The following VAC14 variants were observed in gnomAD, a reference collection of about 807,000 sequenced individuals.
VAC14 encodes protein VAC14 homolog.
A neutral mutation model predicts 85.3 loss-of-function variants in VAC14; 47 were observed. The observed-to-expected ratio is 0.55, with a 90% CI of 0.44 to 0.70. VAC14 has a LOEUF of 0.70. Ranked by LOEUF, VAC14 falls within the 30% of genes least tolerant of loss-of-function variation. The pLI, the probability that VAC14 is intolerant of heterozygous loss-of-function variation, is 0.00. For synonymous variants in VAC14, 447 were observed against 430.5 expected, an observed-to-expected ratio of 1.04 and a Z score of -0.47; for missense variants, 861 against 1,004.3, an observed-to-expected ratio of 0.86 and a Z score of 1.93.
rs150100596 is a variant in VAC14 at position 70,739,371 on chromosome 16, G to A, written c.1528+5052C>T. 7.2e-5 allele frequency among the ~76,000 whole-genome samples: 11 copies of A among 152,304 alleles called. No individual in the cohort carries two copies. In the East Asian group the frequency reaches 1.3e-3, roughly 19 times the overall value. The stretch of plus-strand genomic sequence containing the variant: ...TGGTGTGGCTGGAGGAAGTGGTGGC[G>A]GGCAGCAAATGACAAGAAATGAGGC... On this transcript the variant is annotated intron_variant, in intron 13 of 18. Coordinates refer to ENST00000261776, the MANE Select transcript of VAC14 (RefSeq NM_018052.5).
chr16:70,722,889 G>A (rs902565428), intron 14 of VAC14, among the ~76,000 whole-genome samples: 4 of 152,068 alleles, frequency 2.6e-5, no homozygotes, highest in African/African-American at 7.2e-5. Context: ...AGACCAGCCT[G>A]GGCAACATAG....
At chr16:70,717,034 T>A (rs2054181918) in intron 14 of VAC14, 1 of 152,242 alleles carries the variant, frequency 6.6e-6, no homozygotes, top group African/African-American at 2.4e-5. Flanking sequence ...TCTGTGAGCA[T>A]TTAAACCCAG....
chr16:70,692,192 T>C (rs529095432), intron 18 of VAC14: 23 of 660,826 alleles, frequency 3.5e-5, no homozygotes, highest in Admixed American at 3.2e-4. Context: ...GGCACTCCTC[T>C]GACCAGAGGC....
At chr16:70,706,601 T>A (rs557366394) in intron 14 of VAC14, among the ~76,000 whole-genome samples, 1 of 152,324 alleles carries the variant, frequency 6.6e-6, no homozygotes, top group South Asian at 2.1e-4. Flanking sequence ...AACCTCTGCC[T>A]CCCGGGTTCA....
intron 14 of VAC14, among the ~76,000 whole-genome samples, chr16:70,710,375 C>T (rs2054006629): frequency 6.6e-6 from 1 of 152,242 alleles, no homozygotes; most frequent in Non-Finnish European, 1.5e-5. Flanking sequence ...GAGATTGAGT[C>T]TGTCTTGGGA....
chr16:70,699,057 G>A (rs934290948), intron 14 of VAC14, among the ~76,000 whole-genome samples: 4 of 152,142 alleles, frequency 2.6e-5, no homozygotes, highest in Admixed American at 6.5e-5. Context: ...GGCGCCCCAC[G>A]CTATATTAAT....
chr16:70,754,037 A>G (rs1057229356), intron 12 of VAC14, among the ~76,000 whole-genome samples: 2 of 152,012 alleles, frequency 1.3e-5, no homozygotes, highest in African/African-American at 4.8e-5. Flanking sequence ...CTGGCCCCCA[A>G]TCCATTCATA....
chr16:70,737,982 G>A (rs1295135165), intron 13 of VAC14, among the ~76,000 whole-genome samples: 1 of 152,214 alleles, frequency 6.6e-6, no homozygotes, highest in Non-Finnish European at 1.5e-5. Flanking sequence ...TCTGCTGCCT[G>A]GAGGATACAA....
At chr16:70,689,304 T>C in intron 18 of VAC14, 1 of 985,412 alleles carries the variant, frequency 1.0e-6, no homozygotes. Context: ...CCACTGTGGC[T>C]ACAGTTCTGC....
chr16:70,722,278 T>G (rs62047970), intron 14 of VAC14, among the ~76,000 whole-genome samples: 49,074 of 152,154 alleles, frequency 0.32, 9,283 homozygotes, highest in Non-Finnish European at 0.43. Context: ...GCATGCTCCC[T>G]TGCAGGGTGG....
chr16:70,733,450 G>A (rs2054654477), intron 13 of VAC14, among the ~76,000 whole-genome samples: 1 of 151,086 alleles, frequency 6.6e-6, no homozygotes, highest in South Asian at 2.1e-4. Context: ...ACTATAGTTT[G>A]ATTATTTGTC....
At chr16:70,785,089 C>T (rs2033985940) in intron 3 of VAC14, among the ~76,000 whole-genome samples, 1 of 152,250 alleles carries the variant, frequency 6.6e-6, no homozygotes, top group African/African-American at 2.4e-5. Context: ...CGCTGGGGTT[C>T]CTGTTCCCTG....
intron 14 of VAC14, among the ~76,000 whole-genome samples, chr16:70,709,613 C>G (rs973054950): frequency 6.6e-6 from 1 of 152,196 alleles, no homozygotes; most frequent in African/African-American, 2.4e-5. Flanking sequence ...GGCCTTGAAA[C>G]TGCAGCCATA....
chr16:70,703,203 T>C (rs8048078), intron 14 of VAC14, among the ~76,000 whole-genome samples: 88,096 of 152,202 alleles, frequency 0.58, 26,092 homozygotes, highest in Non-Finnish European at 0.63. Context: ...CCAAGCGCAG[T>C]GTCAACAGTG....
Position 70,744,521 on chromosome 16 carries a change from G to T in VAC14, c.1430C>A (p.Thr477Lys). The T allele has an allele frequency of 6.2e-7, 1 of 1,612,876 alleles. No individual in the cohort carries two copies. The highest frequency in any genetic ancestry group is 8.5e-7 in the Non-Finnish European group (1 of 1,179,660). ...GCCATCGAGGGGGCCTGGGTCATCCGTCTGGCCTGCGGGGGAGGAAGCGAT... is the reference window on the plus strand; with the variant it reads ...GCCATCGAGGGGGCCTGGGTCATCCTTCTGGCCTGCGGGGGAGGAAGCGAT... The part of the protein sequence containing the change: ...AEIASSPAGQ[T>K]DDPGPLDGPD... The change falls in exon 13 of 19, where the codon ACG becomes AAG. Residue 477 changes from threonine to lysine, a missense_variant. By Grantham distance (78) the Thr-to-Lys change is moderately conservative. Around this residue, in one of 3 missense-constraint regions of VAC14, gnomAD observed 629 missense variants for 703.1 expected, o/e 0.89. Coordinates refer to ENST00000261776, the MANE Select transcript of VAC14 (RefSeq NM_018052.5).
At chr16:70,748,398 C>A (rs1262581682) in intron 12 of VAC14, among the ~76,000 whole-genome samples, 1 of 152,184 alleles carries the variant, frequency 6.6e-6, no homozygotes, top group East Asian at 1.9e-4. Flanking sequence ...GCCAGGGACC[C>A]AGTGATGATG....
intron 13 of VAC14, among the ~76,000 whole-genome samples, chr16:70,742,648 T>TG (rs1222758128): frequency 1.3e-5 from 2 of 152,248 alleles, no homozygotes; most frequent in Non-Finnish European, 2.9e-5. Context: ...TGGCATGTCC[T>TG]GGGGCACAGG....
At chr16:70,689,223 C>A (rs2053554594) in intron 18 of VAC14, 1 of 984,416 alleles carries the variant, frequency 1.0e-6, no homozygotes, top group South Asian at 4.7e-5. Context: ...GGGGTGGCTG[C>A]CAAGATGCCT....
intron 5 of VAC14, 96 bp from the exon 6 acceptor site, chr16:70,783,650 G>A: frequency 8.3e-7 from 1 of 1,205,248 alleles, no homozygotes; most frequent in East Asian, 2.3e-5. Context: ...AGGGGACCCT[G>A]CTGAGACAGC....
Sources: gnomAD v4.1 joint callset for allele counts (sites outside exome capture counted in the v4.1 genomes callset) on GRCh38, gnomAD v4.1.1 for gene constraint, gnomAD v4.1.1 regional missense constraint, MANE v1.5 for transcripts, NCBI Gene and HGNC (gene_info 2026-07-23, HGNC 2026-07-21) for gene names.